PGA3: variants seen among roughly 807,000 people sequenced by gnomAD.
PGA3 encodes pepsinogen A3.
PGA3 carries 1 observed loss-of-function variant against 15.6 expected under a neutral mutation model. The observed-to-expected ratio is 0.06, with a 90% CI of 0.02 to 0.30. PGA3 has a LOEUF of 0.30. PGA3 is among the 10% of genes least tolerant of loss of function. The pLI is 1.00. For synonymous variants in PGA3, 14 were observed against 79.5 expected (o/e 0.18, Z 4.38); for missense variants, 29 against 183.7 (o/e 0.16, Z 4.87).
At chr11:61,204,487 T>A (rs1406705653) in intron 2 of PGA3, 1 of 485,626 alleles carries the variant, frequency 2.1e-6, no homozygotes, top group African/African-American at 2.0e-5. Context: ...TTAATTTCTC[T>A]GAGCGCCTCA....
intron 1 of PGA3, 99 bp downstream of exon 1, chr11:61,203,719 G>C (rs1336069246): frequency 9.4e-6 from 15 of 1,597,014 alleles, no homozygotes; most frequent in African/African-American, 1.4e-5. Context: ...TCTCTATTCA[G>C]CTGTCTCCAT....
At chr11:61,203,678 C>T (rs1853891701) in intron 1 of PGA3, 58 bp downstream of exon 1, 4 of 1,607,930 alleles carry the variant, frequency 2.5e-6, no homozygotes, top group South Asian at 1.1e-5. Flanking sequence ...TTTCTTTCCT[C>T]CCGTGTCTTC....
chr11:61,211,266 C>T, intron 7 of PGA3, 32 bp downstream of exon 7: 2 of 703,324 alleles, frequency 2.8e-6, no homozygotes, highest in Non-Finnish European at 4.8e-6. Flanking sequence ...CTGTTCTACA[C>T]TCAAGTAGTG....
In PGA3 at chr11:61,204,951, G is replaced by A. The variant is rs1374609117; in HGVS notation, c.219+682G>A. 2.6e-5 allele frequency among the ~76,000 whole-genome samples: 4 copies of A among 152,182 alleles called. No individual in the cohort carries two copies. The South Asian group carries it at 8.3e-4, about 32-fold the overall frequency. ...AGATCACCCTGACTTTATTATTTGA[G>A]ATCCGATAGCAAACACCCTGCCCTC... On this transcript the variant is annotated intron_variant, in intron 2 of 8. Coordinates refer to ENST00000325558, the MANE Select transcript of PGA3 (RefSeq NM_001079807.4).
chr11:61,203,666 C>A, intron 1 of PGA3, 46 bp downstream of exon 1: 1 of 1,608,350 alleles, frequency 6.2e-7, no homozygotes, highest in Non-Finnish European at 8.5e-7. Flanking sequence ...TCCCACATCA[C>A]CTTTCTTTCC....
chr11:61,204,913 C>T (rs562341145), intron 2 of PGA3, among the ~76,000 whole-genome samples: 1 of 152,316 alleles, frequency 6.6e-6, no homozygotes, highest in African/African-American at 2.4e-5. Flanking sequence ...AAGATCAGAT[C>T]TGAGTTTCAG....
chr11:61,206,335 G>A (rs1223449437), intron 2 of PGA3, 175 bp from the exon 3 acceptor site: 7 of 54,372 alleles, frequency 1.3e-4, no homozygotes, highest in African/African-American at 5.3e-4. Context: ...AGGAAGGGAC[G>A]CCAGGGCTGG....
rs370832218 is a variant in PGA3, at chr11:61,203,633, G to C, written c.56+13G>C. 2 of 1,603,858 alleles carry C rather than the reference G, an allele frequency of 1.2e-6. No homozygotes were observed. The highest frequency in any genetic ancestry group is 2.7e-5 in the African/African-American group (2 of 73,846). On this transcript the variant is annotated intron_variant, in intron 1 of 8. Transcript: ENST00000325558. ...GCATCATGTACAAGTGAGTCCGGGTGGTGTGGGTGTGAAGACGCTGCCTCC... is the reference window on the plus strand; with the variant it reads ...GCATCATGTACAAGTGAGTCCGGGTCGTGTGGGTGTGAAGACGCTGCCTCC...
chr11:61,203,795 GC>G, intron 1 of PGA3, 175 bp downstream of exon 1: 2 of 1,088,134 alleles, frequency 1.8e-6, no homozygotes, highest in Non-Finnish European at 2.7e-6. Flanking sequence ...TAAAACTCGG[GC>G]CCAGCCTGAC....
At chr11:61,205,138 C>T (rs527655531) in intron 2 of PGA3, among the ~76,000 whole-genome samples, 16 of 152,104 alleles carry the variant, frequency 1.1e-4, no homozygotes, top group African/African-American at 3.6e-4. Flanking sequence ...CATTTAAATA[C>T]TCTGAGCCTG....
At chr11:61,203,748 T>C (rs1247784794) in intron 1 of PGA3, 128 bp downstream of exon 1, 1 of 1,525,684 alleles carries the variant, frequency 6.6e-7, no homozygotes, top group Non-Finnish European at 9.0e-7. Context: ...TCCGCCTCTC[T>C]CTCTGCCTTT....
intron 2 of PGA3, chr11:61,204,651 T>C (rs1243991670): frequency 5.9e-6 from 2 of 338,056 alleles, no homozygotes; most frequent in African/African-American, 2.1e-5. Context: ...ACTGCGAGAG[T>C]CTGCCACTTG....
At chr11:61,205,895 G>A (rs1853921812) in intron 2 of PGA3, 1 of 91,872 alleles carries the variant, frequency 1.1e-5, no homozygotes, top group African/African-American at 4.2e-5. Context: ...TACTTGGGAG[G>A]TTGAGGCAGG....
At position 61,207,572 on chromosome 11, in the gene PGA3, G is replaced by GCA; in HGVS notation, c.415_416dup (p.Gly140ProfsTer4). The GCA allele has an allele frequency of 1.0e-6, 1 of 965,096 alleles. No homozygotes were observed. Among genetic ancestry groups the GCA allele is most frequent in the Non-Finnish European group, 1.6e-6 (1 of 611,448 alleles). The allele number at this position is 965,096 out of a possible 1,614,324, so 59.8% of individuals were successfully genotyped here. On this transcript the variant is annotated frameshift_variant, in exon 4 of 9. Coordinates refer to ENST00000325558, the MANE Select transcript of PGA3 (RefSeq NM_001079807.4). LOFTEE classifies it high-confidence loss of function. Reference sequence around the variant, plus strand: ...AGCGAGACAGTCTCCATCACCTACGGCACCGGCAGCATGACAGGCATCCTC... The same window carrying GCA: ...AGCGAGACAGTCTCCATCACCTACGGCACACCGGCAGCATGACAGGCATCCTC...
rs1853936013 is a variant in PGA3, at chr11:61,207,510, C to CT, written c.353dup (p.Asn119GlnfsTer3). The CT allele has an allele frequency of 6.6e-6, 5 of 760,858 alleles. No homozygotes were observed. The highest frequency in any genetic ancestry group is 9.4e-6 in the Non-Finnish European group (4 of 423,916). 47.1% of individuals were successfully genotyped at this position (760,858 alleles called of 1,614,324 possible). A position where few individuals can be genotyped will look rare whatever the true frequency, so the allele number is the denominator to read the frequency against. ...TTGTCCTTGCAGCCAACCACAACCG[C>CT]TTCAACCCTGAGGATTCTTCCACCT... is the stretch of plus-strand genomic sequence containing the variant. On this transcript the variant is annotated frameshift_variant, in exon 4 of 9. Coordinates refer to ENST00000325558, the MANE Select transcript of PGA3 (RefSeq NM_001079807.4). LOFTEE classifies it high-confidence loss of function.
In PGA3 at chr11:61,205,659, G is replaced by T. The variant is rs1408407077; in HGVS notation, c.220-851G>T. Reference sequence around the variant, plus strand: ...CCAGTGCAAAGGCCCTAGGGCAGGAGTGACTGGTCATCGCCAAAGAACAGC... The same window carrying T: ...CCAGTGCAAAGGCCCTAGGGCAGGATTGACTGGTCATCGCCAAAGAACAGC... On this transcript the variant is annotated intron_variant, in intron 2 of 8. Coordinates refer to ENST00000325558, the MANE Select transcript of PGA3 (RefSeq NM_001079807.4). 2.2e-5 allele frequency: 3 copies of T among 137,580 alleles called. No homozygotes were observed. The Admixed American group carries it at 2.2e-4, about 10-fold the overall frequency. The allele number at this position is 137,580 out of a possible 1,614,324, so 8.5% of individuals were successfully genotyped here.
At position 61,205,995 on chromosome 11, in the gene PGA3, C is replaced by T. The variant is rs76615875; in HGVS notation, c.220-515C>T. 14 of 134,324 alleles carry T rather than the reference C, an allele frequency of 1.0e-4. No homozygotes were observed. The East Asian group carries it at 1.4e-3, about 14-fold the overall frequency. 8.3% of individuals were successfully genotyped at this position (134,324 alleles called of 1,614,324 possible). On this transcript the variant is annotated intron_variant, in intron 2 of 8. Transcript: ENST00000325558. The stretch of plus-strand genomic sequence containing the variant: ...CTGGACAACAGAGTGAGACTTGTCT[C>T]AAAAAAAAAGAATAAAAATTCTGGC...
chr11:61,207,399 GC>G (rs1210428486), intron 3 of PGA3, 97 bp from the exon 4 acceptor site: 6 of 1,262,306 alleles, frequency 4.8e-6, no homozygotes, highest in Non-Finnish European at 6.9e-6. Context: ...CACCTCCAGA[GC>G]CCGTCCCAGG....
intron 2 of PGA3, among the ~76,000 whole-genome samples, chr11:61,205,071 C>T (rs1487857574): frequency 6.6e-6 from 1 of 152,170 alleles, no homozygotes; most frequent in Non-Finnish European, 1.5e-5. Flanking sequence ...TGCCATCCAG[C>T]AGACCTGGTG....
Sources: allele counts gnomAD v4.1 joint callset (sites outside exome capture counted in the v4.1 genomes callset), GRCh38; gene constraint gnomAD v4.1.1; transcripts MANE v1.5; gene names NCBI Gene and HGNC (gene_info 2026-07-23, HGNC 2026-07-21).